The following MAML3 variants were observed in gnomAD, a reference collection of about 807,000 sequenced individuals.
The protein encoded by MAML3 is mastermind like transcriptional coactivator 3.
In MAML3, 27 loss-of-function variants were observed where a neutral mutation model predicts 101.9. The observed-to-expected ratio is 0.27, with a 90% CI of 0.20 to 0.37. The LOEUF (loss-of-function observed/expected upper bound fraction) is 0.37. Among genes scored for constraint, MAML3 ranks in the 10% least tolerant of loss-of-function variants. MAML3 has a pLI of 1.00. For missense variants in MAML3, 1,316 were observed against 1,444.9 expected, an observed-to-expected ratio of 0.91 and a Z score of 1.45; for synonymous variants, 501 against 555.9, an observed-to-expected ratio of 0.90 and a Z score of 1.39.
chr4:139,929,757 T>C (rs532322246), intron 1 of MAML3, among the ~76,000 whole-genome samples: 4 of 152,318 alleles, frequency 2.6e-5, no homozygotes, highest in African/African-American at 7.2e-5. Flanking sequence ...TTTCTTATTA[T>C]GAAAGGAAAG....
chr4:139,925,228 T>A (rs1465392742), intron 1 of MAML3, among the ~76,000 whole-genome samples: 1 of 151,832 alleles, frequency 6.6e-6, no homozygotes, highest in South Asian at 2.1e-4. Flanking sequence ...ACTCTTTTTG[T>A]TTGTTTGTTT....
At chr4:140,136,999 T>C (rs1432588050) in intron 1 of MAML3, among the ~76,000 whole-genome samples, 1 of 152,258 alleles carries the variant, frequency 6.6e-6, no homozygotes, top group East Asian at 1.9e-4. Context: ...TTTTTTGTTT[T>C]TGTTTTTGAG....
At chr4:140,118,162 TTG>T (rs1728546084) in intron 1 of MAML3, among the ~76,000 whole-genome samples, 1 of 151,590 alleles carries the variant, frequency 6.6e-6, no homozygotes, top group African/African-American at 2.4e-5. Flanking sequence ...ATTTGTGGGT[TTG>T]TTTTTTTTTT....
chr4:139,752,748 T>G (rs958739231), intron 2 of MAML3, among the ~76,000 whole-genome samples: 1 of 152,096 alleles, frequency 6.6e-6, no homozygotes, highest in Non-Finnish European at 1.5e-5. Context: ...CACTAACACC[T>G]AAATGATTTT....
chr4:140,104,628 T>C (rs1336154846), intron 1 of MAML3, among the ~76,000 whole-genome samples: 1 of 149,772 alleles, frequency 6.7e-6, no homozygotes, highest in Non-Finnish European at 1.5e-5. Context: ...GAGAAGCTGG[T>C]ATTACAGGCA....
intron 2 of MAML3, among the ~76,000 whole-genome samples, chr4:139,823,043 C>T (rs1731002094): frequency 6.6e-6 from 1 of 152,118 alleles, no homozygotes; most frequent in South Asian, 2.1e-4. Flanking sequence ...ATGAAATAGA[C>T]CAAATATATT....
intron 1 of MAML3, among the ~76,000 whole-genome samples, chr4:140,056,743 G>A (rs1281100587): frequency 2.0e-5 from 3 of 151,180 alleles, no homozygotes; most frequent in African/African-American, 7.3e-5. Flanking sequence ...CCGGGAGACA[G>A]AGGTCGCAAT....
At chr4:139,848,703 C>CA (rs1731491463) in intron 2 of MAML3, among the ~76,000 whole-genome samples, 1 of 152,030 alleles carries the variant, frequency 6.6e-6, no homozygotes, top group East Asian at 1.9e-4. Flanking sequence ...TATAAATAAA[C>CA]ACAAAAGAAG....
At chr4:139,748,119 G>T (rs1051970808) in intron 2 of MAML3, among the ~76,000 whole-genome samples, 2 of 150,788 alleles carry the variant, frequency 1.3e-5, no homozygotes, top group African/African-American at 4.9e-5. Flanking sequence ...AGGAGGATGG[G>T]AAAACAAATT....
At chr4:139,913,470 A>T (rs180719935) in intron 1 of MAML3, among the ~76,000 whole-genome samples, 206 of 152,262 alleles carry the variant, frequency 1.4e-3, no homozygotes, top group Non-Finnish European at 1.6e-3. Flanking sequence ...ATTTTTGGAT[A>T]AAAAATCCAA....
At chr4:139,848,200 G>C (rs553349544) in intron 2 of MAML3, among the ~76,000 whole-genome samples, 1 of 152,298 alleles carries the variant, frequency 6.6e-6, no homozygotes, top group Non-Finnish European at 1.5e-5. Context: ...TGCTGCTGCT[G>C]CACCTAATGA....
intron 2 of MAML3, among the ~76,000 whole-genome samples, chr4:139,765,566 C>T (rs1028702969): frequency 6.6e-6 from 1 of 152,208 alleles, no homozygotes; most frequent in African/African-American, 2.4e-5. Flanking sequence ...TGGCCTTCTT[C>T]ATTTCAAGGT....
rs28539105 is a variant in MAML3 at position 140,100,787 on chromosome 4, A to G, written c.468+52073T>C. On this transcript the variant is annotated intron_variant, in intron 1 of 4. Transcript: ENST00000509479. ...TCCACAACCTGCGTCCACCACTTTT[A>G]AAGGTGAGTTGCCTATAACTGCTTG... is the stretch of plus-strand genomic sequence containing the variant. 9.0e-3 allele frequency among the ~76,000 whole-genome samples: 1,373 copies of G among 152,256 alleles called. 25 individuals are homozygous for G. Among genetic ancestry groups the G allele is most frequent in the African/African-American group, 0.03 (1,251 of 41,546 alleles).
chr4:139,856,599 C>G (rs1460276190), intron 2 of MAML3, among the ~76,000 whole-genome samples: 1 of 152,202 alleles, frequency 6.6e-6, no homozygotes, highest in Non-Finnish European at 1.5e-5. Flanking sequence ...AGTAAAGTCT[C>G]TTGTCGAACT....
chr4:140,148,509 G>A (rs1292484292), intron 1 of MAML3, among the ~76,000 whole-genome samples: 1 of 152,188 alleles, frequency 6.6e-6, no homozygotes, highest in East Asian at 1.9e-4. Flanking sequence ...TTGGGCAATG[G>A]AAAGCTTTCC....
chr4:140,134,538 A>G (rs1332031514), intron 1 of MAML3: 7 of 361,932 alleles, frequency 1.9e-5, no homozygotes, highest in African/African-American at 1.1e-4. Flanking sequence ...AAAGCCTGAA[A>G]AAATATCAGT....
chr4:140,093,190 T>C (rs2110985304), intron 1 of MAML3, among the ~76,000 whole-genome samples: 1 of 152,332 alleles, frequency 6.6e-6, no homozygotes, highest in East Asian at 1.9e-4. Context: ...AAAAATTATA[T>C]TTGCATTCTA....
At chr4:139,893,694 A>T (rs1732548283) in intron 1 of MAML3, among the ~76,000 whole-genome samples, 1 of 152,006 alleles carries the variant, frequency 6.6e-6, no homozygotes, top group Non-Finnish European at 1.5e-5. Flanking sequence ...TAGATCTCTT[A>T]CCCTAAAGAG....
intron 1 of MAML3, among the ~76,000 whole-genome samples, chr4:140,081,260 AC>A (rs1727857778): frequency 6.6e-6 from 1 of 152,098 alleles, no homozygotes; most frequent in African/African-American, 2.4e-5. Flanking sequence ...TAAAAAAAAA[AC>A]AAATATACAT....
Sources: gnomAD v4.1 joint callset for allele counts (sites outside exome capture counted in the v4.1 genomes callset) on GRCh38, gnomAD v4.1.1 for gene constraint, MANE v1.5 for transcripts, NCBI Gene and HGNC (gene_info 2026-07-23, HGNC 2026-07-21) for gene names.